The following ARID2 variants were observed in gnomAD, a reference collection of about 807,000 sequenced individuals.
ARID2 encodes AT-rich interactive domain-containing protein 2.
ARID2 carries 32 observed loss-of-function variants against 184.6 expected under a neutral mutation model. The observed-to-expected ratio is 0.17, with a 90% CI of 0.13 to 0.23. The LOEUF (loss-of-function observed/expected upper bound fraction) is 0.23, where lower values mean the gene tolerates loss of function less well. Ranked by LOEUF, ARID2 falls within the 10% of genes least tolerant of loss-of-function variation. ARID2 has a pLI of 1.00. For missense variants in ARID2, 1,696 were observed against 2,197.6 expected (o/e 0.77, Z 4.56); for synonymous variants, 836 against 772.6 (o/e 1.08, Z -1.36).
chr12:45,854,753 G>T (rs1252481401), intron 15 of ARID2, among the ~76,000 whole-genome samples: 1 of 152,150 alleles, frequency 6.6e-6, no homozygotes, highest in Non-Finnish European at 1.5e-5. Context: ...CTTCCAATGT[G>T]GTTGTAGTCA....
intron 15 of ARID2, among the ~76,000 whole-genome samples, chr12:45,860,155 A>C (rs1199148972): frequency 6.6e-6 from 1 of 152,218 alleles, no homozygotes; most frequent in African/African-American, 2.4e-5. Context: ...CAGTAATTTG[A>C]GATTATAGTG....
At chr12:45,798,703 C>G (rs550912407) in intron 3 of ARID2, among the ~76,000 whole-genome samples, 1 of 151,416 alleles carries the variant, frequency 6.6e-6, no homozygotes, top group Admixed American at 6.6e-5. Flanking sequence ...TATATGCAAC[C>G]CTTCTTCTCA....
intron 6 of ARID2, among the ~76,000 whole-genome samples, chr12:45,836,248 C>T (rs61925812): frequency 0.26 from 39,387 of 152,034 alleles, 5,502 homozygotes; most frequent in East Asian, 0.31. Context: ...CTCACTCTTC[C>T]GCCCAGGCTG....
Position 45,857,831 on chromosome 12 carries a change from C to T in ARID2, c.4774-2970C>T, listed in dbSNP as rs561815437. 1.5e-3 allele frequency among the ~76,000 whole-genome samples: 227 copies of T among 152,236 alleles called. 1 individual carries two copies. The highest frequency in any genetic ancestry group is 5.2e-3 in the African/African-American group (216 of 41,544). ...CTGGAGTGCAGTGGCACACTCTTGG[C>T]TCACTGCAACCTCTGCCTCTTGGGC... On this transcript the variant is annotated intron_variant, in intron 15 of 20. Coordinates refer to ENST00000334344, the MANE Select transcript of ARID2 (RefSeq NM_152641.4).
chr12:45,781,162 C>T (rs375178430), intron 3 of ARID2, among the ~76,000 whole-genome samples: 7 of 150,844 alleles, frequency 4.6e-5, no homozygotes, highest in African/African-American at 1.7e-4. Flanking sequence ...CTTAAAGTTT[C>T]TGTGAGTTCT....
In ARID2 at chr12:45,817,708, A is replaced by C; in HGVS notation, c.457A>C (p.Asn153His). Residue 153 changes from asparagine (N) to histidine (H), a missense_variant, in exon 5 of 21, where the codon AAT (asparagine) becomes CAT (histidine). Transcript: ENST00000334344. ...RQSYGLSMDF[N>H]SPNDYNKLVL... ...AAGTTATGGGCTGTCCATGGACTTT[A>C]ATTCGCCAAATGATTATAATAAATT... The C allele has an allele frequency of 6.2e-7, 1 of 1,611,962 alleles. No homozygotes were observed. Among genetic ancestry groups the C allele is most frequent in the Middle Eastern group, 1.9e-4 (1 of 5,308 alleles).
intron 3 of ARID2, among the ~76,000 whole-genome samples, chr12:45,770,207 C>CA (rs1941844949): frequency 6.6e-6 from 1 of 151,486 alleles, no homozygotes; most frequent in Non-Finnish European, 1.5e-5. Flanking sequence ...GAGCCGAGAT[C>CA]GTGCCACTGC....
intron 3 of ARID2, among the ~76,000 whole-genome samples, chr12:45,735,418 C>CGT (rs56133410): frequency 0.32 from 44,456 of 141,044 alleles, 6,755 homozygotes; most frequent in Non-Finnish European, 0.36. Flanking sequence ...TAAACTGTAT[C>CGT]GTGTGTGTGT....
intron 16 of ARID2, among the ~76,000 whole-genome samples, chr12:45,874,579 T>C (rs1943980789): frequency 6.6e-6 from 1 of 152,202 alleles, no homozygotes; most frequent in South Asian, 2.1e-4. Flanking sequence ...TCTAGTTCTC[T>C]TGCTATTTGT....
rs71067909 is a variant in ARID2 at position 45,901,154 on chromosome 12, A to ATTTTTTTTTTTT, written c.5364-3757_5364-3746dup. Among the ~76,000 whole-genome samples the ATTTTTTTTTTTT allele has an allele frequency of 6.9e-4, 31 of 44,964 alleles. 6 individuals carry two copies. The highest frequency in any genetic ancestry group is 8.9e-4 in the Non-Finnish European group (25 of 28,214). The allele number at this position is 44,964 out of a possible 152,430, so 29.5% of individuals were successfully genotyped here. ...AATCTATTTTTTGGAAATTTCCTTA[A>ATTTTTTTTTTTT]TTTTTTTTTTTTTTTTTTTTTTTTT... On this transcript the variant is annotated intron_variant, in intron 20 of 20. Coordinates refer to ENST00000334344, the MANE Select transcript of ARID2 (RefSeq NM_152641.4).
At chr12:45,897,891 G>T (rs1592147553) in intron 20 of ARID2, among the ~76,000 whole-genome samples, 1 of 152,030 alleles carries the variant, frequency 6.6e-6, no homozygotes, top group South Asian at 2.1e-4. Context: ...GTTGCCCAGG[G>T]TGGGTTGCAG....
intron 16 of ARID2, among the ~76,000 whole-genome samples, chr12:45,890,174 T>C (rs924913801): frequency 1.3e-5 from 2 of 152,192 alleles, no homozygotes; most frequent in African/African-American, 2.4e-5. Flanking sequence ...TGAGGACAGA[T>C]AGACTAATGA....
At chr12:45,803,047 T>C (rs1164397950) in intron 3 of ARID2, among the ~76,000 whole-genome samples, 1 of 152,180 alleles carries the variant, frequency 6.6e-6, no homozygotes, top group Non-Finnish European at 1.5e-5. Context: ...TGGCTTTAAG[T>C]AGAATTAACA....
intron 6 of ARID2, among the ~76,000 whole-genome samples, chr12:45,822,466 G>A (rs991681158): frequency 6.6e-6 from 1 of 152,096 alleles, no homozygotes; most frequent in African/African-American, 2.4e-5. Flanking sequence ...CTTGAGCCTG[G>A]GAATTTGAGG....
chr12:45,812,069 C>T (rs183598724), intron 4 of ARID2, among the ~76,000 whole-genome samples: 8 of 151,502 alleles, frequency 5.3e-5, no homozygotes, highest in Admixed American at 3.3e-4. Context: ...AAAAAATCAG[C>T]GCGAGTGTTG....
At chr12:45,846,734 T>C in intron 11 of ARID2, 122 bp from the exon 12 acceptor site, 1 of 756,100 alleles carries the variant, frequency 1.3e-6, no homozygotes, top group African/African-American at 1.8e-5. Context: ...TACTTTCATA[T>C]GTTTATACAC....
intron 18 of ARID2, 101 bp from the exon 19 acceptor site, chr12:45,893,319 A>T: frequency 7.3e-7 from 1 of 1,372,536 alleles, no homozygotes; most frequent in Non-Finnish European, 9.6e-7. Flanking sequence ...ACACGATTTT[A>T]AAATAACCAG....
chr12:45,740,560 T>C (rs545644339), intron 3 of ARID2, among the ~76,000 whole-genome samples: 5 of 152,176 alleles, frequency 3.3e-5, no homozygotes, highest in Admixed American at 1.3e-4. Context: ...CTTTTATTTA[T>C]ATGTGTTATG....
chr12:45,863,592 A>T lies in ARID2; in HGVS notation c.4922+2643A>T, dbSNP rs575231089. Among the ~76,000 whole-genome samples, 61 of 148,076 alleles carry T rather than the reference A, an allele frequency of 4.1e-4. No homozygotes were observed. In the East Asian group the frequency reaches 5.5e-3, roughly 13 times the overall value. On this transcript the variant is annotated intron_variant, in intron 16 of 20. Transcript: ENST00000334344. ...ATAAAGTAAGACACTGTCTCTTTTTAAAAAAAAAACAAACCAGAAAACTTT... is the reference window on the plus strand; with the variant it reads ...ATAAAGTAAGACACTGTCTCTTTTTTAAAAAAAAACAAACCAGAAAACTTT...
Sources: gnomAD v4.1 joint callset for allele counts (sites outside exome capture counted in the v4.1 genomes callset) on GRCh38, gnomAD v4.1.1 for gene constraint, MANE v1.5 for transcripts, NCBI Gene and HGNC (gene_info 2026-07-23, HGNC 2026-07-21) for gene names.